RGS3: variants seen among roughly 807,000 people sequenced by gnomAD.
The protein encoded by RGS3 is regulator of G protein signaling 3.
RGS3 carries 80 observed loss-of-function variants against 132.6 expected under a neutral mutation model. The ratio of observed to expected loss-of-function variants is 0.60; its 90% CI spans 0.50 to 0.73. RGS3 has a LOEUF of 0.73. Ranked by LOEUF, RGS3 falls within the 30% of genes least tolerant of loss-of-function variation. The pLI is 0.00. For missense variants in RGS3, 1,382 were observed against 1,530.8 expected (o/e 0.90, Z 1.62); for synonymous variants, 598 against 620.6 (o/e 0.96, Z 0.54).
intron 2 of RGS3, chr9:113,461,985 C>T: frequency 6.2e-7 from 1 of 1,606,140 alleles, no homozygotes; most frequent in Non-Finnish European, 8.5e-7. Flanking sequence ...CATCTTCAGG[C>T]CATGGCTAAC....
chr9:113,465,928 T>C (rs1039717999), intron 3 of RGS3, among the ~76,000 whole-genome samples: 1 of 152,198 alleles, frequency 6.6e-6, no homozygotes, highest in African/African-American at 2.4e-5. Flanking sequence ...TGCCCCTCTT[T>C]CAGGCTGCTG....
chr9:113,482,837 G>A (rs1830207532), intron 4 of RGS3: 2 of 1,101,964 alleles, frequency 1.8e-6, no homozygotes, highest in Non-Finnish European at 2.5e-6. Context: ...GAGAGTGGAA[G>A]ATGGTGGGAA....
intron 19 of RGS3, among the ~76,000 whole-genome samples, chr9:113,543,267 C>T (rs1832977114): frequency 6.6e-6 from 1 of 152,198 alleles, no homozygotes; most frequent in African/African-American, 2.4e-5. Flanking sequence ...TTCTTGTGCC[C>T]CTGTGAGCTT....
At chr9:113,560,774 G>A (rs1046781921) in intron 19 of RGS3, among the ~76,000 whole-genome samples, 1 of 152,220 alleles carries the variant, frequency 6.6e-6, no homozygotes, top group African/African-American at 2.4e-5. Flanking sequence ...AGCTTGGACT[G>A]GGGTGGCCAT....
intron 19 of RGS3, among the ~76,000 whole-genome samples, chr9:113,547,385 A>C (rs553254650): frequency 6.7e-4 from 102 of 152,308 alleles, no homozygotes; most frequent in Middle Eastern, 6.8e-3. Context: ...TTATGAGCAC[A>C]TTACTGCCTC....
At chr9:113,520,600 G>T in intron 16 of RGS3, among the ~76,000 whole-genome samples, 1 of 144,956 alleles carries the variant, frequency 6.9e-6, no homozygotes, top group African/African-American at 2.6e-5. Flanking sequence ...GTCGGCTCCA[G>T]CCCTTCCCCT....
chr9:113,510,331 C>T (rs549332554), intron 14 of RGS3, among the ~76,000 whole-genome samples: 23 of 152,296 alleles, frequency 1.5e-4, no homozygotes, highest in African/African-American at 5.3e-4. Context: ...TTTTGGTTGG[C>T]ACATTAGGTT....
intron 16 of RGS3, among the ~76,000 whole-genome samples, chr9:113,520,826 CATT>C (rs932476698): frequency 1.3e-5 from 2 of 151,870 alleles, no homozygotes; most frequent in African/African-American, 4.8e-5. Context: ...TTATTATTAT[CATT>C]ATTATTATTA....
At position 113,541,751 on chromosome 9, in the gene RGS3, G is replaced by A. The variant is rs1216376082; in HGVS notation, c.2037+4833G>A. ...GTGGTGGCTCCCGGACCTGCCTTGG[G>A]GGCAGCAGGAGAGGTTGGGAGAGGT... On this transcript the variant is annotated intron_variant, in intron 19 of 24. Transcript: ENST00000350696. The A allele has an allele frequency of 4.8e-6, 5 of 1,031,142 alleles. No homozygotes were observed. In the African/African-American group the frequency reaches 6.8e-5, roughly 14 times the overall value. 63.9% of individuals were successfully genotyped at this position (1,031,142 alleles called of 1,614,324 possible).
At chr9:113,576,499 T>C (rs1364008326) in intron 19 of RGS3, among the ~76,000 whole-genome samples, 1 of 151,874 alleles carries the variant, frequency 6.6e-6, no homozygotes, top group Non-Finnish European at 1.5e-5. Flanking sequence ...GTCCAGCTAA[T>C]TTTTGTATTT....
intron 1 of RGS3, among the ~76,000 whole-genome samples, chr9:113,451,682 G>GTT (rs1211026839): frequency 1.4e-5 from 2 of 142,564 alleles, no homozygotes; most frequent in Admixed American, 7.0e-5. Flanking sequence ...AGCTCTGGGT[G>GTT]TTTTTTTTTT....
intron 19 of RGS3, among the ~76,000 whole-genome samples, chr9:113,562,992 T>G (rs1205928854): frequency 1.3e-5 from 2 of 152,168 alleles, no homozygotes; most frequent in East Asian, 3.9e-4. Context: ...CCCTGTTGAT[T>G]TGTGTCTGGA....
At chr9:113,458,534 G>A (rs1829408217), upstream of RGS3, among the ~76,000 whole-genome samples, 1 of 152,162 alleles carries the variant, frequency 6.6e-6, no homozygotes, top group South Asian at 2.1e-4. Flanking sequence ...ATTGGGCTAT[G>A]TAGAAATTTC....
intron 7 of RGS3, among the ~76,000 whole-genome samples, chr9:113,487,517 T>G (rs1180052980): frequency 6.6e-6 from 1 of 152,222 alleles, no homozygotes; most frequent in African/African-American, 2.4e-5. Context: ...CCTAAGGTCA[T>G]ACAGCCAGTT....
chr9:113,576,797 A>C (rs952255616), intron 19 of RGS3, among the ~76,000 whole-genome samples: 1 of 152,152 alleles, frequency 6.6e-6, no homozygotes, highest in Non-Finnish European at 1.5e-5. Flanking sequence ...AGGAGTGACA[A>C]GTTGAGGTTT....
exon 20 of RGS3, chr9:113,583,924 G>A (rs1317055604): frequency 6.2e-7 from 1 of 1,614,074 alleles, no homozygotes; most frequent in Admixed American, 1.7e-5. Context: ...GAGCTCCGGG[G>A]ACCTACTAGC....
intron 19 of RGS3, among the ~76,000 whole-genome samples, chr9:113,547,993 A>C (rs1270556494): frequency 3.3e-5 from 5 of 152,168 alleles, no homozygotes. Flanking sequence ...CATACTTTTG[A>C]GTGGGAAAAT....
intron 19 of RGS3, chr9:113,581,021 AGGGGGTGGGTC>A: frequency 1.7e-5 from 1 of 58,770 alleles, no homozygotes; most frequent in Non-Finnish European, 3.0e-5. Flanking sequence ...TGGCTGGGCC[AGGGGGTGGGTC>A]GGGGGGAGGT....
chr9:113,449,546 C>T (rs1829192193), intron 1 of RGS3, among the ~76,000 whole-genome samples: 1 of 152,140 alleles, frequency 6.6e-6, no homozygotes, highest in African/African-American at 2.4e-5. Context: ...TCCAGTTCTT[C>T]CACTCTGAAA....
Sources: gnomAD v4.1 joint callset for allele counts (sites outside exome capture counted in the v4.1 genomes callset) on GRCh38, gnomAD v4.1.1 for gene constraint, MANE v1.5 for transcripts, NCBI Gene and HGNC (gene_info 2026-07-23, HGNC 2026-07-21) for gene names.